Variants in PATE2 observed in about 807,000 individuals in gnomAD.
PATE2 encodes prostate and testis expressed 2.
Under a neutral mutation model 10.5 loss-of-function variants are expected in PATE2, and 7 were observed. The observed-to-expected ratio is 0.66, with a 90% CI of 0.38 to 1.25. The LOEUF (loss-of-function observed/expected upper bound fraction) is 1.25, where lower values mean the gene tolerates loss of function less well. Among genes scored for constraint, PATE2 ranks in the 50% most tolerant of loss-of-function variants. The pLI, the probability that PATE2 is intolerant of heterozygous loss-of-function variation, is 0.02. For missense variants in PATE2, 133 were observed against 135.4 expected (o/e 0.98, Z 0.09); for synonymous variants, 44 against 46.9 (o/e 0.94, Z 0.25).
At chr11:125,778,472 G>A in intron 2 of PATE2, 80 bp downstream of exon 2, 1 of 1,461,484 alleles carries the variant, frequency 6.8e-7, no homozygotes, top group Non-Finnish European at 9.6e-7. Context: ...AGGCCTCTCT[G>A]AAGATGAAGG....
At chr11:125,778,146 T>C (rs370098281) in intron 2 of PATE2, 144 bp from the exon 3 acceptor site, 5 of 813,810 alleles carry the variant, frequency 6.1e-6, no homozygotes, top group South Asian at 3.5e-5. Flanking sequence ...TTGAGAAAGA[T>C]AGGGATAATC....
At chr11:125,778,482 G>A in intron 2 of PATE2, 70 bp downstream of exon 2, 1 of 1,518,232 alleles carries the variant, frequency 6.6e-7, no homozygotes. Context: ...GAAGATGAAG[G>A]AAAGGTTTGC....
chr11:125,778,762 G>C lies in PATE2; in HGVS notation c.12C>G (p.Leu4=), dbSNP rs575557328. Residue 4 remains leucine, a synonymous_variant, in exon 1 of 4, where the codon CTC becomes CTG. Coordinates refer to ENST00000358524, the MANE Select transcript of PATE2 (RefSeq NM_212555.3). Reference sequence around the variant, plus strand: ...GCAGAAAGACTGTGCCCAGGAGAAAGAGAACAAGCATCCTGGAGCTTCTGT... The same window carrying C: ...GCAGAAAGACTGTGCCCAGGAGAAACAGAACAAGCATCCTGGAGCTTCTGT... MLV[L]FLLGTVFLLC... is the part of the protein sequence containing the mutation. The C allele has an allele frequency of 4.3e-6, 7 of 1,613,548 alleles. No homozygotes were observed. Among genetic ancestry groups the C allele is most frequent in the Middle Eastern group, 1.7e-4 (1 of 6,052 alleles).
Position 125,777,056 on chromosome 11 carries a change from A to G in PATE2, c.*326T>C, listed in dbSNP as rs1375417957. On this transcript the variant is annotated 3_prime_UTR_variant, in exon 4 of 4. Coordinates refer to ENST00000358524, the MANE Select transcript of PATE2 (RefSeq NM_212555.3). ...ACAGAATTCTCAGTACAAATTGGAG[A>G]TTATTATGGCCCAAGTGTTCACATT... The G allele has an allele frequency of 2.2e-5, 5 of 223,618 alleles. No individual in the cohort carries two copies. Among genetic ancestry groups the G allele is most frequent in the Non-Finnish European group, 3.6e-5 (4 of 111,650 alleles). 13.9% of individuals were successfully genotyped at this position (223,618 alleles called of 1,614,324 possible). A position where few individuals can be genotyped will look rare whatever the true frequency, so the allele number is the denominator to read the frequency against.
intron 3 of PATE2, 106 bp from the exon 4 acceptor site, chr11:125,777,624 C>A: frequency 6.4e-6 from 9 of 1,412,086 alleles, no homozygotes; most frequent in Non-Finnish European, 7.8e-6. Flanking sequence ...TTCTCTAGGC[C>A]CAAATGAGTT....
At position 125,777,144 on chromosome 11, in the gene PATE2, A is replaced by G. The variant is rs1399275077; in HGVS notation, c.*238T>C. 2 of 463,806 alleles carry G rather than the reference A, an allele frequency of 4.3e-6. No individual in the cohort carries two copies. The highest frequency in any genetic ancestry group is 7.8e-6 in the Non-Finnish European group (2 of 257,896). The allele number at this position is 463,806 out of a possible 1,614,324, so 28.7% of individuals were successfully genotyped here. On this transcript the variant is annotated 3_prime_UTR_variant, in exon 4 of 4. Transcript: ENST00000358524. The stretch of plus-strand genomic sequence containing the variant: ...ATTCATGGCAGTATCACGTAAGGAG[A>G]GCAAAACCCCTCCCACCTGTTAGCG...
Position 125,776,334 on chromosome 11 carries a change from G to C in PATE2, c.*1048C>G, listed in dbSNP as rs1943483677. On this transcript the variant is annotated 3_prime_UTR_variant, in exon 4 of 4. Coordinates refer to ENST00000358524, the MANE Select transcript of PATE2 (RefSeq NM_212555.3). Reference sequence around the variant, plus strand: ...GCCTTATAAGGACAGAAACACCAGGGTTAGTGTGTATCCAAGGAAAATGTG... The same window carrying C: ...GCCTTATAAGGACAGAAACACCAGGCTTAGTGTGTATCCAAGGAAAATGTG... 2 of 152,156 alleles carry C rather than the reference G, an allele frequency of 1.3e-5. No homozygotes were observed. The highest frequency in any genetic ancestry group is 2.4e-5 in the African/African-American group (1 of 41,434). 9.4% of individuals were successfully genotyped at this position (152,156 alleles called of 1,614,324 possible). A position where few individuals can be genotyped will look rare whatever the true frequency, so the allele number is the denominator to read the frequency against.
Position 125,777,245 on chromosome 11 carries a change from C to T in PATE2, c.*137G>A, listed in dbSNP as rs2134175996. The T allele has an allele frequency of 9.4e-7, 1 of 1,060,708 alleles. No homozygotes were observed. The highest frequency in any genetic ancestry group is 1.6e-5 in the African/African-American group (1 of 62,410). 65.7% of individuals were successfully genotyped at this position (1,060,708 alleles called of 1,614,324 possible). ...CTGTCCACACTGCGTCTCCTTATGC[C>T]TGCTTGTCTTTTCACTATGAGCTGG... On this transcript the variant is annotated 3_prime_UTR_variant, in exon 4 of 4. Coordinates refer to ENST00000358524, the MANE Select transcript of PATE2 (RefSeq NM_212555.3).
chr11:125,777,293 A>C lies in PATE2; in HGVS notation c.*89T>G. 1.4e-6 allele frequency: 2 copies of C among 1,460,622 alleles called. No homozygotes were observed. The highest frequency in any genetic ancestry group is 2.5e-5 in the South Asian group (2 of 79,488). 90.5% of individuals were successfully genotyped at this position (1,460,622 alleles called of 1,614,324 possible). ...TGGCTTTCTCACTCTCTACCAATGC[A>C]TAGAAGAGGAGAGCAAAATTCAGGT... On this transcript the variant is annotated 3_prime_UTR_variant, in exon 4 of 4. Coordinates refer to ENST00000358524, the MANE Select transcript of PATE2 (RefSeq NM_212555.3).
rs1943482609 is a variant in PATE2 at position 125,776,258 on chromosome 11, GT to G, written c.*1123del. On this transcript the variant is annotated 3_prime_UTR_variant, in exon 4 of 4. Coordinates refer to ENST00000358524, the MANE Select transcript of PATE2 (RefSeq NM_212555.3). ...GCAGGTTTGTTACATAGGTATACAT[GT>G]GCCATGGTGGTTTGCTGCACCCATC... The G allele has an allele frequency of 6.6e-6, 1 of 152,068 alleles. No individual in the cohort carries two copies. The highest frequency in any genetic ancestry group is 1.5e-5 in the Non-Finnish European group (1 of 68,038). 9.4% of individuals were successfully genotyped at this position (152,068 alleles called of 1,614,324 possible).
Sources: gnomAD v4.1 joint callset for allele counts on GRCh38, gnomAD v4.1.1 for gene constraint, MANE v1.5 for transcripts, NCBI Gene and HGNC (gene_info 2026-07-23, HGNC 2026-07-21) for gene names.